Variants in PCDH15 observed in about 807,000 individuals in gnomAD.
PCDH15 encodes the protein protocadherin-15.
Under a neutral mutation model 178.5 loss-of-function variants are expected in PCDH15, and 129 were observed. The ratio of observed to expected loss-of-function variants is 0.72; its 90% CI spans 0.63 to 0.84. The LOEUF is 0.84. Among genes scored for constraint, PCDH15 ranks in the 40% least tolerant of loss-of-function variants. PCDH15 has a pLI of 0.00. For missense variants in PCDH15, 2,230 were observed against 2,099.9 expected (o/e 1.06, Z -1.21); for synonymous variants, 800 against 732.0 (o/e 1.09, Z -1.50).
At position 54,581,335 on chromosome 10, in the gene PCDH15, A is replaced by G. The variant is rs1483416661; in HGVS notation, c.92-53458T>C. ...AATCAAGAACACAATCACATTTACA[A>G]TACCCACAATAAAAATTAAATGTCT... On this transcript the variant is annotated intron_variant, in intron 2 of 37. Transcript: ENST00000644397. Among the ~76,000 whole-genome samples, 3 of 152,244 alleles carry G rather than the reference A, an allele frequency of 2.0e-5. No individual in the cohort carries two copies. The East Asian group carries it at 5.8e-4, about 29-fold the overall frequency.
chr10:55,066,060 T>C (rs938915559), intron 2 of PCDH15, among the ~76,000 whole-genome samples: 3 of 151,972 alleles, frequency 2.0e-5, no homozygotes, highest in Admixed American at 6.6e-5. Flanking sequence ...TGTTCACATA[T>C]GTCAGGAATT....
intron 21 of PCDH15, among the ~76,000 whole-genome samples, chr10:53,982,643 G>A (rs942086030): frequency 7.1e-6 from 1 of 141,690 alleles, no homozygotes. Context: ...ACACAGGAAG[G>A]GGAACATCAC....
intron 21 of PCDH15, among the ~76,000 whole-genome samples, chr10:53,967,217 G>A (rs1326640011): frequency 6.6e-6 from 1 of 152,056 alleles, no homozygotes; most frequent in Non-Finnish European, 1.5e-5. Context: ...CTTTTGCTTG[G>A]CACTCCTCCT....
At chr10:54,704,922 A>G (rs2095350721) in intron 1 of PCDH15, among the ~76,000 whole-genome samples, 1 of 152,192 alleles carries the variant, frequency 6.6e-6, no homozygotes, top group Non-Finnish European at 1.5e-5. Flanking sequence ...CATGGAATCA[A>G]TCAAAATGCC....
chr10:55,069,957 A>C (rs1448150247), intron 2 of PCDH15, among the ~76,000 whole-genome samples: 5 of 152,066 alleles, frequency 3.3e-5, no homozygotes, highest in Non-Finnish European at 5.9e-5. Flanking sequence ...CTGACTTTTT[A>C]ATGATTGCCA....
intron 4 of PCDH15, among the ~76,000 whole-genome samples, chr10:54,372,256 A>C (rs1947792180): frequency 6.6e-6 from 1 of 151,832 alleles, no homozygotes. Context: ...GAGTGGTACC[A>C]CTGGGACCAA....
At chr10:54,806,532 G>A (rs559775367) in intron 3 of PCDH15, among the ~76,000 whole-genome samples, 1 of 151,278 alleles carries the variant, frequency 6.6e-6, no homozygotes, top group South Asian at 2.1e-4. Flanking sequence ...CACCCAGGCT[G>A]GAGTGCAGTG....
At chr10:54,509,585 T>C (rs1308861100) in intron 3 of PCDH15, among the ~76,000 whole-genome samples, 1 of 152,202 alleles carries the variant, frequency 6.6e-6, no homozygotes, top group Non-Finnish European at 1.5e-5. Context: ...TCAGTTCTCA[T>C]GAGTCTCTCC....
intron 21 of PCDH15, among the ~76,000 whole-genome samples, chr10:53,976,255 C>T (rs1373978987): frequency 6.6e-6 from 1 of 151,962 alleles, no homozygotes. Context: ...AGTTATAGTA[C>T]CATGCTTAAC....
chr10:53,973,763 A>T (rs528054214), intron 21 of PCDH15, among the ~76,000 whole-genome samples: 100 of 152,316 alleles, frequency 6.6e-4, no homozygotes, highest in African/African-American at 2.1e-3. Context: ...AAAAAAAATC[A>T]TAGCCATTGC....
chr10:53,894,307 T>G lies in PCDH15; in HGVS notation c.3501+8936A>C, dbSNP rs1200978312. Among the ~76,000 whole-genome samples, 3 of 152,144 alleles carry G rather than the reference T, an allele frequency of 2.0e-5. 1 individual carries two copies. The highest frequency in any genetic ancestry group is 4.1e-4 in the South Asian group (2 of 4,828). On this transcript the variant is annotated intron_variant, in intron 26 of 37. Coordinates refer to ENST00000644397, the MANE Select transcript of PCDH15 (RefSeq NM_001384140.1). ...CCTCAGACACCTACATATGTTTGCT[T>G]TGTTCAAAGTACAAACCACACAAGG...
chr10:54,998,934 G>A (rs936790521), intron 2 of PCDH15, among the ~76,000 whole-genome samples: 27 of 152,116 alleles, frequency 1.8e-4, no homozygotes, highest in African/African-American at 6.5e-4. Flanking sequence ...AGCCTCCGAT[G>A]TAAACTGAGT....
intron 26 of PCDH15, among the ~76,000 whole-genome samples, chr10:53,890,664 TAA>T (rs965200933): frequency 9.2e-5 from 14 of 152,274 alleles, no homozygotes; most frequent in Non-Finnish European, 7.4e-5. Flanking sequence ...AGCTACCACA[TAA>T]AGTTTCTGGA....
rs551109259 is a variant in PCDH15, at chr10:54,216,445, A to T, written c.986-2397T>A. On this transcript the variant is annotated intron_variant, in intron 9 of 37. Coordinates refer to ENST00000644397, the MANE Select transcript of PCDH15 (RefSeq NM_001384140.1). ...GCACTCCAGCCTGTGCGACAGAGCCAAACTCCGTCACAAAACAAAACAAAA... is the reference window on the plus strand; with the variant it reads ...GCACTCCAGCCTGTGCGACAGAGCCTAACTCCGTCACAAAACAAAACAAAA... Among the ~76,000 whole-genome samples the T allele has an allele frequency of 2.0e-5, 3 of 152,302 alleles. No homozygotes were observed. In the South Asian group the frequency reaches 6.2e-4, roughly 32 times the overall value.
At position 55,496,751 on chromosome 10, in the gene PCDH15, A is replaced by T. The variant is rs570804874; in HGVS notation, c.-156+130874T>A. On this transcript the variant is annotated intron_variant, in intron 2 of 5. Coordinates refer to the PCDH15 transcript ENST00000613346. The stretch of plus-strand genomic sequence containing the variant: ...ACTATATATGGGCTTATATATGGTA[A>T]TCATACAATGGAAAACTGATATGAA... Among the ~76,000 whole-genome samples the T allele has an allele frequency of 1.2e-4, 19 of 152,014 alleles. No homozygotes were observed. In the South Asian group the frequency reaches 3.9e-3, roughly 31 times the overall value.
At chr10:55,410,068 A>C (rs184272525) in intron 2 of PCDH15, among the ~76,000 whole-genome samples, 65 of 152,254 alleles carry the variant, frequency 4.3e-4, no homozygotes, top group African/African-American at 1.6e-3. Context: ...TGAGTATTAA[A>C]TAAGGGATAA....
intron 21 of PCDH15, among the ~76,000 whole-genome samples, chr10:53,967,784 T>C (rs988699818): frequency 1.3e-5 from 2 of 152,226 alleles, no homozygotes; most frequent in Non-Finnish European, 1.5e-5. Context: ...TAATATAGTA[T>C]GTATATTCTA....
intron 2 of PCDH15, among the ~76,000 whole-genome samples, chr10:55,457,451 A>G (rs2132088234): frequency 6.6e-6 from 1 of 152,122 alleles, no homozygotes; most frequent in Non-Finnish European, 1.5e-5. Context: ...GTTTTTCTTG[A>G]TGCAAACATG....
chr10:55,537,378 ATTTAC>A (rs1163106087), intron 2 of PCDH15, among the ~76,000 whole-genome samples: 2 of 151,708 alleles, frequency 1.3e-5, no homozygotes, highest in African/African-American at 2.4e-5. Flanking sequence ...AACACCTGCT[ATTTAC>A]TTTATTTATT....
Sources: gnomAD v4.1 joint callset for allele counts (sites outside exome capture counted in the v4.1 genomes callset) on GRCh38, gnomAD v4.1.1 for gene constraint, MANE v1.5 for transcripts, NCBI Gene and HGNC (gene_info 2026-07-23, HGNC 2026-07-21) for gene names.